The following PDE6D variants were observed in gnomAD, a reference collection of about 807,000 sequenced individuals.
PDE6D encodes the protein retinal rod rhodopsin-sensitive cGMP 3',5'-cyclic phosphodiesterase subunit delta.
A neutral mutation model predicts 21.9 loss-of-function variants in PDE6D; 10 were observed. That is an observed-to-expected ratio of 0.46 (90% CI 0.28 to 0.78). PDE6D has a LOEUF of 0.78. Among genes scored for constraint, PDE6D ranks in the 30% least tolerant of loss-of-function variants. The pLI, the probability that PDE6D is intolerant of heterozygous loss-of-function variation, is 0.12. For synonymous variants in PDE6D, 59 were observed against 63.5 expected (o/e 0.93, Z 0.34); for missense variants, 139 against 184.8 (o/e 0.75, Z 1.44).
chr2:231,763,127 G>C (rs945148877), intron 1 of PDE6D, among the ~76,000 whole-genome samples: 1 of 152,164 alleles, frequency 6.6e-6, no homozygotes, highest in Admixed American at 6.5e-5. Flanking sequence ...CAGTCATTTA[G>C]AGCAAGTTCT....
chr2:231,773,585 A>C (rs766476991), intron 1 of PDE6D, among the ~76,000 whole-genome samples: 10 of 152,172 alleles, frequency 6.6e-5, no homozygotes, highest in Non-Finnish European at 1.3e-4. Flanking sequence ...TGTAAAGCCA[A>C]CTGTTTTTTG....
At chr2:231,776,991 T>G (rs2049062810) in intron 1 of PDE6D, among the ~76,000 whole-genome samples, 1 of 152,234 alleles carries the variant, frequency 6.6e-6, no homozygotes, top group Admixed American at 6.5e-5. Flanking sequence ...CACTATGCTA[T>G]ATTACCTTGT....
chr2:231,776,277 C>T (rs930230166), intron 1 of PDE6D, among the ~76,000 whole-genome samples: 3 of 131,418 alleles, frequency 2.3e-5, no homozygotes, highest in Admixed American at 9.0e-5. Flanking sequence ...GTTGAGATCA[C>T]ATCACTGCAC....
rs114443932 is a variant in PDE6D at position 231,759,220 on chromosome 2, G to A, written c.51-20032C>T. Among the ~76,000 whole-genome samples, 593 of 152,202 alleles carry A rather than the reference G, an allele frequency of 3.9e-3. 1 individual carries two copies. Among genetic ancestry groups the A allele is most frequent in the African/African-American group, 0.014 (563 of 41,526 alleles). On this transcript the variant is annotated intron_variant, in intron 1 of 4. Coordinates refer to ENST00000287600, the MANE Select transcript of PDE6D (RefSeq NM_002601.4). ...TAGTCCCAGCTACTTGGGAAACCGAGGTGGGAGGATTGCTTTAGCCCAGAT... is the reference window on the plus strand; with the variant it reads ...TAGTCCCAGCTACTTGGGAAACCGAAGTGGGAGGATTGCTTTAGCCCAGAT...
Position 231,732,721 on chromosome 2 carries a change from C to A in PDE6D, c.*231G>T. The A allele has an allele frequency of 2.1e-6, 1 of 469,396 alleles. No individual in the cohort carries two copies. 29.1% of individuals were successfully genotyped at this position (469,396 alleles called of 1,614,324 possible). On this transcript the variant is annotated 3_prime_UTR_variant, in exon 5 of 5. Coordinates refer to ENST00000287600, the MANE Select transcript of PDE6D (RefSeq NM_002601.4). Reference sequence around the variant, plus strand: ...GAAGGACTTGAGACCTGTCCCCTGCCCTGGTCTGGGGTTGGGAGTTTAGTC... The same window carrying A: ...GAAGGACTTGAGACCTGTCCCCTGCACTGGTCTGGGGTTGGGAGTTTAGTC...
Position 231,732,857 on chromosome 2 carries a change from ATG to A in PDE6D, c.*93_*94del. On this transcript the variant is annotated 3_prime_UTR_variant, in exon 5 of 5. Transcript: ENST00000287600. ...CTGCTGTTGAGGGAATTAGGGGTGT[ATG>A]TGTCAAAAATCAAACGTGTGGAGGA... 2.5e-6 allele frequency: 2 copies of A among 799,080 alleles called. No homozygotes were observed. The highest frequency in any genetic ancestry group is 4.4e-6 in the Non-Finnish European group (2 of 458,536). 49.5% of individuals were successfully genotyped at this position (799,080 alleles called of 1,614,324 possible).
At chr2:231,759,630 T>C (rs779731358) in intron 1 of PDE6D, among the ~76,000 whole-genome samples, 2 of 152,160 alleles carry the variant, frequency 1.3e-5, no homozygotes, top group African/African-American at 4.8e-5. Context: ...AAAAACATGT[T>C]TGGGAAGCAG....
At chr2:231,778,760 C>T (rs1383570849) in intron 1 of PDE6D, 1 of 152,210 alleles carries the variant, frequency 6.6e-6, no homozygotes, top group Non-Finnish European at 1.5e-5. Flanking sequence ...CTCTTAACCA[C>T]TATGCTACAT....
At chr2:231,741,953 T>C (rs2048753008) in intron 1 of PDE6D, among the ~76,000 whole-genome samples, 1 of 152,222 alleles carries the variant, frequency 6.6e-6, no homozygotes, top group Non-Finnish European at 1.5e-5. Context: ...GGAAAGTGGA[T>C]AAATAATGCT....
chr2:231,733,337 C>T (rs1417103558), intron 4 of PDE6D, among the ~76,000 whole-genome samples: 3 of 152,176 alleles, frequency 2.0e-5, no homozygotes, highest in East Asian at 1.9e-4. Context: ...CTTATAGATC[C>T]GACTGACTTT....
chr2:231,743,087 T>C (rs2048762888), intron 1 of PDE6D, among the ~76,000 whole-genome samples: 2 of 152,138 alleles, frequency 1.3e-5, no homozygotes, highest in East Asian at 1.9e-4. Flanking sequence ...AATAACACTA[T>C]ATTTTACCCT....
In PDE6D at chr2:231,739,648, T is replaced by C. The variant is rs1367431323; in HGVS notation, c.51-460A>G. On this transcript the variant is annotated intron_variant, in intron 1 of 4. Coordinates refer to ENST00000287600, the MANE Select transcript of PDE6D (RefSeq NM_002601.4). This position sits in a 1 kb window ranked among gnomAD's most constrained non-coding sequence, Gnocchi z 4.2. ...TAGTGGCCCCCTCTGTTTTTTTTTT[T>C]TGAAACAGAGTCTCACTCTGTCACA... Among the ~76,000 whole-genome samples, 3 of 151,676 alleles carry C rather than the reference T, an allele frequency of 2.0e-5. No individual in the cohort carries two copies. The highest frequency in any genetic ancestry group is 4.4e-5 in the Non-Finnish European group (3 of 67,910).
At chr2:231,761,688 G>A (rs2048931105) in intron 1 of PDE6D, among the ~76,000 whole-genome samples, 1 of 152,188 alleles carries the variant, frequency 6.6e-6, no homozygotes, top group Non-Finnish European at 1.5e-5. Context: ...AGAAACAAGA[G>A]TCAGGGTAAA....
At chr2:231,753,180 C>G (rs147209418) in intron 1 of PDE6D, among the ~76,000 whole-genome samples, 19 of 151,326 alleles carry the variant, frequency 1.3e-4, no homozygotes, top group African/African-American at 4.4e-4. Context: ...TTTTTCTCCT[C>G]CAGTCTCTGG....
At chr2:231,751,481 T>C (rs1190834314) in intron 1 of PDE6D, among the ~76,000 whole-genome samples, 1 of 152,184 alleles carries the variant, frequency 6.6e-6, no homozygotes, top group Non-Finnish European at 1.5e-5. Flanking sequence ...AGTTGCAAAA[T>C]AGTAGAGTTC....
chr2:231,774,892 C>CT (rs554042419), intron 1 of PDE6D, among the ~76,000 whole-genome samples: 72 of 138,816 alleles, frequency 5.2e-4, no homozygotes, highest in Admixed American at 5.8e-4. Context: ...TGCCTGGCAT[C>CT]TTTTTTTTTT....
Position 231,737,258 on chromosome 2 carries a change from G to A in PDE6D, c.300C>T (p.Asn100=), listed in dbSNP as rs528596847. Residue 100 remains asparagine, a synonymous_variant, in exon 4 of 5, where the codon AAC becomes AAT. Transcript: ENST00000287600. ...TCAAGGACTGCCAGGTATTTGTGGA[G>A]TTAGGGATCACAAAGCCAAACTCGA... ...WFFEFGFVIP[N]STNTWQSLIE... The A allele has an allele frequency of 6.2e-7, 1 of 1,612,426 alleles. No homozygotes were observed. The highest frequency in any genetic ancestry group is 1.1e-5 in the South Asian group (1 of 91,022).
At chr2:231,752,007 C>T (rs1309451324) in intron 1 of PDE6D, among the ~76,000 whole-genome samples, 1 of 152,192 alleles carries the variant, frequency 6.6e-6, no homozygotes, top group African/African-American at 2.4e-5. Flanking sequence ...AGATTTATCT[C>T]TTCTCCCCAT....
At chr2:231,775,057 C>T (rs1423745647) in intron 1 of PDE6D, among the ~76,000 whole-genome samples, 2 of 151,876 alleles carry the variant, frequency 1.3e-5, no homozygotes, top group Admixed American at 1.3e-4. Flanking sequence ...GGATTACAGG[C>T]GTGTGCCACC....
Sources: allele counts gnomAD v4.1 joint callset (sites outside exome capture counted in the v4.1 genomes callset), GRCh38; gene constraint gnomAD v4.1.1; non-coding constraint Gnocchi (gnomAD v3.1); transcripts MANE v1.5; gene names NCBI Gene and HGNC (gene_info 2026-07-23, HGNC 2026-07-21).